Variants in MAP2 observed in about 807,000 individuals in gnomAD.
The protein encoded by MAP2 is microtubule-associated protein 2.
MAP2 carries 14 observed loss-of-function variants against 137.6 expected under a neutral mutation model. The ratio of observed to expected loss-of-function variants is 0.10; its 90% CI spans 0.07 to 0.16. The LOEUF is 0.16. Among genes scored for constraint, MAP2 ranks in the 10% least tolerant of loss-of-function variants. The probability of loss-of-function intolerance (pLI) is 1.00; values close to 1 mark genes in which losing one functional copy is unlikely to be tolerated. For missense variants in MAP2, 2,088 were observed against 2,191.5 expected (o/e 0.95, Z 0.94); for synonymous variants, 786 against 782.3 (o/e 1.00, Z -0.08).
At chr2:209,428,468 T>C (rs970458826) in intron 1 of MAP2, among the ~76,000 whole-genome samples, 5 of 151,872 alleles carry the variant, frequency 3.3e-5, no homozygotes, top group Non-Finnish European at 2.9e-5. Context: ...CTTTCCTTTT[T>C]TGTCTTCTTT....
chr2:209,573,311 T>C (rs1326548007), intron 2 of MAP2, among the ~76,000 whole-genome samples: 1 of 149,506 alleles, frequency 6.7e-6, no homozygotes, highest in Non-Finnish European at 1.5e-5. Flanking sequence ...TTTTTTTTTT[T>C]TTTGAGGAGT....
At chr2:209,650,210 T>G (rs965624951) in intron 4 of MAP2, among the ~76,000 whole-genome samples, 2 of 152,218 alleles carry the variant, frequency 1.3e-5, no homozygotes, top group Non-Finnish European at 2.9e-5. Flanking sequence ...GAGTTAAACA[T>G]GGACTAAAGT....
chr2:209,607,043 A>G (rs543568136), intron 3 of MAP2, among the ~76,000 whole-genome samples: 1 of 152,212 alleles, frequency 6.6e-6, no homozygotes, highest in Non-Finnish European at 1.5e-5. Flanking sequence ...ACCAGTTAGT[A>G]TAATAAGGTA....
chr2:209,536,387 C>A (rs149694638), intron 2 of MAP2, among the ~76,000 whole-genome samples: 1 of 152,180 alleles, frequency 6.6e-6, no homozygotes, highest in Admixed American at 6.5e-5. Context: ...GTAAATTTTG[C>A]TCAGAAATGT....
At chr2:209,689,192 C>A (rs2058092077) in intron 7 of MAP2, among the ~76,000 whole-genome samples, 1 of 151,920 alleles carries the variant, frequency 6.6e-6, no homozygotes, top group South Asian at 2.1e-4. Flanking sequence ...TAAAAATTTT[C>A]TTAAAATAAC....
At chr2:209,587,220 C>T (rs1482524406) in intron 3 of MAP2, among the ~76,000 whole-genome samples, 1 of 152,050 alleles carries the variant, frequency 6.6e-6, no homozygotes, top group Non-Finnish European at 1.5e-5. Flanking sequence ...ATTCTCTGTC[C>T]CCTTAGCTCT....
chr2:209,452,433 C>T (rs982048507), intron 1 of MAP2, among the ~76,000 whole-genome samples: 1 of 152,128 alleles, frequency 6.6e-6, no homozygotes, highest in Non-Finnish European at 1.5e-5. Context: ...CATCTAAACA[C>T]CTCTGAATAC....
At position 209,696,916 on chromosome 2, in the gene MAP2, G is replaced by C. The variant is rs1315946897; in HGVS notation, c.4388-1G>C. The C allele has an allele frequency of 6.3e-7, 1 of 1,594,790 alleles. No individual in the cohort carries two copies. Among genetic ancestry groups the C allele is most frequent in the South Asian group, 1.2e-5 (1 of 86,746 alleles). ...TGCTTTTTGTGTTTTCTTATTCATA[G>C]CAGTTTATAAGAAGGCTGAACTTGC... On this transcript the variant is annotated splice_acceptor_variant, in intron 9 of 15. Coordinates refer to ENST00000682079, the MANE Select transcript of MAP2 (RefSeq NM_001375505.1). LOFTEE classifies it high-confidence loss of function.
intron 1 of MAP2, among the ~76,000 whole-genome samples, chr2:209,440,171 A>C (rs371413607): frequency 6.6e-6 from 1 of 151,494 alleles, no homozygotes; most frequent in East Asian, 1.9e-4. Flanking sequence ...TCATTCTCTT[A>C]TTCACCATGA....
chr2:209,670,792 A>T (rs992526932), intron 5 of MAP2, among the ~76,000 whole-genome samples: 12 of 151,940 alleles, frequency 7.9e-5, no homozygotes, highest in African/African-American at 2.9e-4. Context: ...TGGCGGGATC[A>T]GTCAAAATTT....
chr2:209,440,176 C>T (rs1697405938), intron 1 of MAP2, among the ~76,000 whole-genome samples: 1 of 151,426 alleles, frequency 6.6e-6, no homozygotes, highest in Admixed American at 6.6e-5. Context: ...CTCTTATTCA[C>T]CATGATATCC....
intron 2 of MAP2, among the ~76,000 whole-genome samples, chr2:209,539,678 T>A (rs1441200674): frequency 6.6e-6 from 1 of 152,048 alleles, no homozygotes; most frequent in Non-Finnish European, 1.5e-5. Flanking sequence ...TTACACTTAC[T>A]AGTAAATATG....
In MAP2 at chr2:209,663,261, T is replaced by C. The variant is rs553262038; in HGVS notation, c.262+9829T>C. On this transcript the variant is annotated intron_variant, in intron 5 of 15. Coordinates refer to ENST00000682079, the MANE Select transcript of MAP2 (RefSeq NM_001375505.1). ...CATTACATAAAGCACGTGCTTTGAC[T>C]GTCAGGGGAGTCTGGAAATCATATC... Among the ~76,000 whole-genome samples, 13 of 152,244 alleles carry C rather than the reference T, an allele frequency of 8.5e-5. No individual in the cohort carries two copies. In the South Asian group the frequency reaches 2.7e-3, roughly 32 times the overall value.
intron 2 of MAP2, among the ~76,000 whole-genome samples, chr2:209,548,068 G>C (rs2068437040): frequency 6.6e-6 from 1 of 152,172 alleles, no homozygotes; most frequent in Admixed American, 6.5e-5. Flanking sequence ...ATTGAATGCT[G>C]TTTATTAGCT....
chr2:209,732,345 C>T lies in MAP2; in HGVS notation c.*1948C>T, dbSNP rs2075881294. 1 of 152,224 alleles carries T rather than the reference C, an allele frequency of 6.6e-6. No homozygotes were observed. 9.4% of individuals were successfully genotyped at this position (152,224 alleles called of 1,614,324 possible). On this transcript the variant is annotated 3_prime_UTR_variant, in exon 16 of 16. Coordinates refer to ENST00000682079, the MANE Select transcript of MAP2 (RefSeq NM_001375505.1). ...ACAAGAAACCCTAGGAGCAAACCCA[C>T]ACCACTCATTCTCAGCTAAGAGATT...
At chr2:209,633,761 G>A (rs1314053106) in intron 4 of MAP2, among the ~76,000 whole-genome samples, 2 of 152,018 alleles carry the variant, frequency 1.3e-5, no homozygotes, top group African/African-American at 2.4e-5. Flanking sequence ...AAATTTTGGA[G>A]GAGGCAGGAA....
intron 2 of MAP2, among the ~76,000 whole-genome samples, chr2:209,566,894 A>G (rs569974578): frequency 6.6e-6 from 1 of 152,162 alleles, no homozygotes; most frequent in Non-Finnish European, 1.5e-5. Flanking sequence ...ACATTTTGTT[A>G]AACAGCTCCA....
At chr2:209,533,176 C>CG (rs1190251643) in intron 2 of MAP2, among the ~76,000 whole-genome samples, 4 of 151,778 alleles carry the variant, frequency 2.6e-5, no homozygotes, top group Non-Finnish European at 5.9e-5. Flanking sequence ...GATGGGGTTT[C>CG]GCTCATCACC....
chr2:209,452,452 T>C (rs1700538747), intron 1 of MAP2, among the ~76,000 whole-genome samples: 1 of 152,168 alleles, frequency 6.6e-6, no homozygotes, highest in South Asian at 2.1e-4. Context: ...ACATTTTGCA[T>C]TTTTTCACAT....
Sources: allele counts gnomAD v4.1 joint callset (sites outside exome capture counted in the v4.1 genomes callset), GRCh38; gene constraint gnomAD v4.1.1; transcripts MANE v1.5; gene names NCBI Gene and HGNC (gene_info 2026-07-23, HGNC 2026-07-21).